AK5: variants seen among roughly 807,000 people sequenced by gnomAD.
AK5 encodes adenylate kinase isoenzyme 5.
In AK5, 27 loss-of-function variants were observed where a neutral mutation model predicts 69.5. The ratio of observed to expected loss-of-function variants is 0.39; its 90% CI spans 0.29 to 0.54. The LOEUF is 0.54. Among genes scored for constraint, AK5 ranks in the 20% least tolerant of loss-of-function variants. AK5 has a pLI of 0.71. For synonymous variants in AK5, 260 were observed against 244.4 expected, an observed-to-expected ratio of 1.06 and a Z score of -0.60; for missense variants, 531 against 700.4, an observed-to-expected ratio of 0.76 and a Z score of 2.73.
chr1:77,469,522 C>G (rs1247541034), intron 8 of AK5, among the ~76,000 whole-genome samples: 1 of 152,216 alleles, frequency 6.6e-6, no homozygotes, highest in Non-Finnish European at 1.5e-5. Flanking sequence ...CTAACCAGCC[C>G]CTACAATTGT....
intron 8 of AK5, among the ~76,000 whole-genome samples, chr1:77,430,226 A>G (rs1651544626): frequency 6.6e-6 from 1 of 152,132 alleles, no homozygotes; most frequent in Non-Finnish European, 1.5e-5. Context: ...GGAGTAAAAA[A>G]GGGGACAGAG....
rs377203431 is a variant in AK5 at position 77,558,641 on chromosome 1, C to T, written c.1660C>T (p.Leu554Phe). Reference sequence around the variant, plus strand: ...AACACCAGAGGACGTTTTTCTTCAACTCTGCACAGCTATTGACTCTATTTT... The same window carrying T: ...AACACCAGAGGACGTTTTTCTTCAATTCTGCACAGCTATTGACTCTATTTT... ...EGTPEDVFLQLCTAIDSIF is the reference protein window; with the variant it reads ...EGTPEDVFLQFCTAIDSIF The change falls in exon 14 of 14, where the codon CTC (leucine) becomes TTC (phenylalanine). Residue 554 changes from leucine (L) to phenylalanine (F), a missense_variant. Coordinates refer to ENST00000354567, the MANE Select transcript of AK5 (RefSeq NM_174858.3). 1.9e-6 allele frequency: 3 copies of T among 1,580,358 alleles called. No homozygotes were observed. The highest frequency in any genetic ancestry group is 2.6e-6 in the Non-Finnish European group (3 of 1,159,910).
intron 6 of AK5, among the ~76,000 whole-genome samples, chr1:77,385,385 T>G (rs1341111800): frequency 6.6e-6 from 1 of 152,132 alleles, no homozygotes; most frequent in Non-Finnish European, 1.5e-5. Context: ...GGTCTCGATC[T>G]CCTGATCTCA....
chr1:77,534,744 G>T (rs1002681071), intron 12 of AK5, among the ~76,000 whole-genome samples: 1 of 152,172 alleles, frequency 6.6e-6, no homozygotes, highest in South Asian at 2.1e-4. Flanking sequence ...GATCACTTGA[G>T]TTCAGGAGTT....
chr1:77,331,790 G>T (rs543618906), intron 5 of AK5, among the ~76,000 whole-genome samples: 2 of 152,204 alleles, frequency 1.3e-5, no homozygotes, highest in South Asian at 2.1e-4. Flanking sequence ...TTGGTTTCTA[G>T]TACATTTCAC....
intron 10 of AK5, among the ~76,000 whole-genome samples, chr1:77,512,229 A>ATG (rs1185363812): frequency 3.9e-5 from 6 of 151,902 alleles, no homozygotes; most frequent in Admixed American, 6.6e-5. Context: ...ATATATACGT[A>ATG]TGTGTGTGTG....
intron 13 of AK5, among the ~76,000 whole-genome samples, chr1:77,553,242 A>T (rs1227786585): frequency 6.6e-6 from 1 of 152,214 alleles, no homozygotes; most frequent in South Asian, 2.1e-4. Context: ...AGGAGCAGAA[A>T]TAGACCATGC....
intron 8 of AK5, among the ~76,000 whole-genome samples, chr1:77,444,235 GTA>G (rs1435466742): frequency 8.9e-5 from 7 of 78,420 alleles, no homozygotes; most frequent in Non-Finnish European, 1.3e-4. Context: ...TATATATATA[GTA>G]TATATATACA....
intron 6 of AK5, among the ~76,000 whole-genome samples, chr1:77,351,118 GC>G (rs1662170456): frequency 6.6e-6 from 1 of 152,202 alleles, no homozygotes; most frequent in Non-Finnish European, 1.5e-5. Flanking sequence ...ACTGGGCCGG[GC>G]GCGGTGGCTC....
chr1:77,466,378 T>C (rs1370890302), intron 8 of AK5, among the ~76,000 whole-genome samples: 1 of 152,216 alleles, frequency 6.6e-6, no homozygotes, highest in Non-Finnish European at 1.5e-5. Context: ...TACATTTACT[T>C]ATATCGTTAC....
intron 8 of AK5, among the ~76,000 whole-genome samples, chr1:77,419,156 C>A (rs561912925): frequency 3.3e-5 from 5 of 152,186 alleles, no homozygotes; most frequent in Non-Finnish European, 5.9e-5. Context: ...CAAGACTGGG[C>A]AATTTACAAA....
At chr1:77,367,578 TAA>T in intron 6 of AK5, among the ~76,000 whole-genome samples, 1 of 10,376 alleles carries the variant, frequency 9.6e-5, no homozygotes, top group Admixed American at 1.9e-3. Flanking sequence ...TATATATATA[TAA>T]TATATATGTT....
intron 12 of AK5, among the ~76,000 whole-genome samples, chr1:77,528,013 C>T (rs1241041330): frequency 3.9e-5 from 6 of 152,172 alleles, no homozygotes; most frequent in Admixed American, 2.0e-4. Flanking sequence ...GAGCCAAGAT[C>T]GCACCACTGC....
chr1:77,323,538 A>G (rs1660641258), intron 5 of AK5, among the ~76,000 whole-genome samples: 1 of 152,218 alleles, frequency 6.6e-6, no homozygotes, highest in South Asian at 2.1e-4. Context: ...TTTTGTACAT[A>G]TAAACACTCA....
At position 77,483,347 on chromosome 1, in the gene AK5, G is replaced by A; in HGVS notation, c.1090G>A (p.Asp364Asn). The A allele has an allele frequency of 1.2e-6, 2 of 1,612,496 alleles. No homozygotes were observed. The highest frequency in any genetic ancestry group is 1.7e-6 in the Non-Finnish European group (2 of 1,178,632). Residue 364 changes from aspartate to asparagine, a missense_variant, in exon 9 of 14, where the codon GAC becomes AAC. Coordinates refer to ENST00000354567, the MANE Select transcript of AK5 (RefSeq NM_174858.3). ...GDDQLNVFGE[D>N]TMGGFMEDLR... ...TGACCAGTTAAATGTATTTGGAGAG[G>A]ACACTATGGGAGGTGAGTTTTCCTT...
chr1:77,519,039 G>A (rs1657832755), intron 11 of AK5, among the ~76,000 whole-genome samples: 1 of 152,166 alleles, frequency 6.6e-6, no homozygotes, highest in Admixed American at 6.6e-5. Context: ...ATAGAAGTGA[G>A]TGTGGTGCAG....
intron 1 of AK5, among the ~76,000 whole-genome samples, chr1:77,286,358 A>G (rs1320805318): frequency 1.3e-5 from 2 of 149,882 alleles, no homozygotes; most frequent in Non-Finnish European, 3.0e-5. Flanking sequence ...TGGCTCTTCC[A>G]TTTTAAACTA....
At chr1:77,357,155 T>G (rs889570918) in intron 6 of AK5, among the ~76,000 whole-genome samples, 3 of 152,192 alleles carry the variant, frequency 2.0e-5, no homozygotes, top group South Asian at 2.1e-4. Context: ...CTTCTCAATT[T>G]TTATTATATT....
intron 6 of AK5, among the ~76,000 whole-genome samples, chr1:77,355,433 T>C (rs1044772354): frequency 1.3e-5 from 2 of 152,306 alleles, no homozygotes; most frequent in South Asian, 2.1e-4. Flanking sequence ...AGACAAAACA[T>C]AGGAAACTTC....
Sources: gnomAD v4.1 joint callset for allele counts (sites outside exome capture counted in the v4.1 genomes callset) on GRCh38, gnomAD v4.1.1 for gene constraint, MANE v1.5 for transcripts, NCBI Gene and HGNC (gene_info 2026-07-23, HGNC 2026-07-21) for gene names.